GLI3: variants seen among roughly 807,000 people sequenced by gnomAD.
GLI3 encodes the protein transcription activator GLI3.
Under a neutral mutation model 100.8 loss-of-function variants are expected in GLI3, and 20 were observed. The ratio of observed to expected loss-of-function variants is 0.20; its 90% CI spans 0.14 to 0.29. The LOEUF is 0.29. Ranked by LOEUF, GLI3 falls within the 10% of genes least tolerant of loss-of-function variation. The pLI, the probability that GLI3 is intolerant of heterozygous loss-of-function variation, is 1.00. For missense variants in GLI3, 2,040 were observed against 2,128.5 expected (o/e 0.96, Z 0.82); for synonymous variants, 938 against 860.5 (o/e 1.09, Z -1.58).
intron 4 of GLI3, among the ~76,000 whole-genome samples, chr7:42,062,417 G>A (rs138386257): frequency 6.6e-6 from 1 of 152,178 alleles, no homozygotes; most frequent in East Asian, 1.9e-4. Context: ...TCCTCTCTGG[G>A]CCACTGTGGT....
chr7:42,089,824 T>C (rs846310), intron 3 of GLI3, among the ~76,000 whole-genome samples: 40,238 of 152,144 alleles, frequency 0.26, 5,721 homozygotes, highest in Admixed American at 0.37. Flanking sequence ...CCAGGTGACA[T>C]AAGTGAAGGT....
intron 2 of GLI3, among the ~76,000 whole-genome samples, chr7:42,162,205 T>C (rs1437835159): frequency 6.6e-6 from 1 of 152,294 alleles, no homozygotes; most frequent in South Asian, 2.1e-4. Flanking sequence ...TGTGGGGGGA[T>C]AGACCAGGCT....
chr7:42,089,118 T>C (rs1257729151), intron 3 of GLI3, among the ~76,000 whole-genome samples: 1 of 152,204 alleles, frequency 6.6e-6, no homozygotes, highest in Non-Finnish European at 1.5e-5. Flanking sequence ...ACAGAGAACA[T>C]GGTCTGCTTC....
At chr7:42,095,709 G>A (rs959231173) in intron 3 of GLI3, among the ~76,000 whole-genome samples, 1 of 152,158 alleles carries the variant, frequency 6.6e-6, no homozygotes, top group Non-Finnish European at 1.5e-5. Context: ...GGAGGGAGGA[G>A]AAAGCATGGA....
intron 10 of GLI3, among the ~76,000 whole-genome samples, chr7:41,990,922 G>A (rs1787969542): frequency 6.6e-6 from 1 of 151,516 alleles, no homozygotes; most frequent in Admixed American, 6.6e-5. Flanking sequence ...GGTGATTGCT[G>A]ATCACAGAAG....
At chr7:42,226,001 C>G (rs990909854) in intron 1 of GLI3, among the ~76,000 whole-genome samples, 1 of 152,218 alleles carries the variant, frequency 6.6e-6, no homozygotes, top group Non-Finnish European at 1.5e-5. Flanking sequence ...GAATTTCAAT[C>G]ACCACTGGTT....
intron 2 of GLI3, chr7:42,149,999 A>G (rs190608210): frequency 4.5e-4 from 68 of 152,332 alleles, no homozygotes; most frequent in African/African-American, 1.5e-3. Context: ...GGACTTGAAA[A>G]CTAAGCAATA....
chr7:42,221,525 C>CA (rs1389221000), intron 2 of GLI3, among the ~76,000 whole-genome samples: 3 of 152,136 alleles, frequency 2.0e-5, no homozygotes, highest in Non-Finnish European at 4.4e-5. Context: ...TGCCTACACT[C>CA]ACACATATCC....
rs759881277 is a variant in GLI3, at chr7:41,964,660, C to A, written c.4413G>T (p.Gly1471=). ...GTAACTCAGAGTTTTTGGCGCTGGT[C>A]CCCTGTAGCAGGCAGCTGGCGTCTG... ...SISDASCLLQ[G]TSAKNSELLS... Residue 1471 remains glycine (G), a synonymous_variant, in exon 15 of 15, where the codon GGG becomes GGT. Transcript: ENST00000395925. 3 of 1,613,924 alleles carry A rather than the reference C, an allele frequency of 1.9e-6. No homozygotes were observed. Among genetic ancestry groups the A allele is most frequent in the African/African-American group, 2.7e-5 (2 of 74,932 alleles).
At chr7:42,102,013 A>G (rs1049210732) in intron 3 of GLI3, among the ~76,000 whole-genome samples, 1 of 151,602 alleles carries the variant, frequency 6.6e-6, no homozygotes, top group Admixed American at 6.6e-5. Context: ...AAGGACATGA[A>G]CTCATCATTT....
At chr7:42,202,516 A>AT (rs975779009) in intron 2 of GLI3, among the ~76,000 whole-genome samples, 6 of 152,220 alleles carry the variant, frequency 3.9e-5, no homozygotes, top group African/African-American at 1.4e-4. Context: ...TATCGATTGT[A>AT]TTCATTTTAT....
chr7:41,999,896 A>G (rs1162108804), intron 10 of GLI3, among the ~76,000 whole-genome samples: 1 of 152,242 alleles, frequency 6.6e-6, no homozygotes, highest in East Asian at 1.9e-4. Context: ...CCTCATGGAT[A>G]GGGCCTCAGA....
chr7:42,054,466 T>C (rs756067526), intron 4 of GLI3, among the ~76,000 whole-genome samples: 1 of 152,206 alleles, frequency 6.6e-6, no homozygotes, highest in Non-Finnish European at 1.5e-5. Context: ...ACATATCTCC[T>C]GCATCTCTGC....
intron 10 of GLI3, among the ~76,000 whole-genome samples, chr7:41,988,703 T>G (rs753730964): frequency 2.0e-5 from 3 of 152,216 alleles, no homozygotes; most frequent in Non-Finnish European, 2.9e-5. Flanking sequence ...CAACTTCTCT[T>G]ATTTATAAAT....
intron 3 of GLI3, among the ~76,000 whole-genome samples, chr7:42,081,924 C>T (rs995023344): frequency 6.6e-6 from 1 of 151,904 alleles, no homozygotes; most frequent in Non-Finnish European, 1.5e-5. Flanking sequence ...ATACTGAAGT[C>T]GTCTGTACCC....
At chr7:42,129,742 G>A (rs1482390706) in intron 3 of GLI3, among the ~76,000 whole-genome samples, 2 of 152,008 alleles carry the variant, frequency 1.3e-5, no homozygotes, top group Admixed American at 1.3e-4. Flanking sequence ...CCCGGGAGGC[G>A]GAGCTTGCAT....
chr7:42,252,783 A>G (rs972261962), intron 1 of GLI3, among the ~76,000 whole-genome samples: 1 of 152,226 alleles, frequency 6.6e-6, no homozygotes, highest in Admixed American at 6.5e-5. Flanking sequence ...TAACTTTTAT[A>G]TAACAGATTT....
At chr7:42,155,904 T>C (rs141016124) in intron 2 of GLI3, among the ~76,000 whole-genome samples, 114 of 152,290 alleles carry the variant, frequency 7.5e-4, no homozygotes, top group Middle Eastern at 3.4e-3. Context: ...GTATGCCCTG[T>C]AGCCCATAGG....
chr7:42,048,369 A>G (rs1305353944), intron 5 of GLI3, 122 bp downstream of exon 5: 2 of 773,140 alleles, frequency 2.6e-6, no homozygotes, highest in Non-Finnish European at 4.7e-6. Flanking sequence ...TAAGGCACAG[A>G]GCACAGCGCC....
Sources: allele counts gnomAD v4.1 joint callset (sites outside exome capture counted in the v4.1 genomes callset), GRCh38; gene constraint gnomAD v4.1.1; transcripts MANE v1.5; gene names NCBI Gene and HGNC (gene_info 2026-07-23, HGNC 2026-07-21).